Variants in RELN observed in about 807,000 individuals in gnomAD.
RELN encodes reelin.
In RELN, 108 loss-of-function variants were observed where a neutral mutation model predicts 427.6. That is an observed-to-expected ratio of 0.25 (90% CI 0.22 to 0.30). The LOEUF (loss-of-function observed/expected upper bound fraction) is 0.30, where lower values mean the gene tolerates loss of function less well. Among genes scored for constraint, RELN ranks in the 10% least tolerant of loss-of-function variants. The pLI is 1.00. For missense variants in RELN, 3,715 were observed against 4,302.8 expected (o/e 0.86, Z 3.82); for synonymous variants, 1,524 against 1,513.4 (o/e 1.01, Z -0.16).
chr7:103,600,953 T>A (rs1831652887), intron 24 of RELN, among the ~76,000 whole-genome samples: 1 of 152,236 alleles, frequency 6.6e-6, no homozygotes, highest in African/African-American at 2.4e-5. Context: ...TTCCTCTCAA[T>A]ATCCACTTTT....
chr7:103,691,746 G>T (rs1216091732), intron 10 of RELN, among the ~76,000 whole-genome samples: 1 of 152,148 alleles, frequency 6.6e-6, no homozygotes, highest in Non-Finnish European at 1.5e-5. Flanking sequence ...CTGGGAGGTG[G>T]AGGCTGCAGT....
At chr7:103,634,280 A>G (rs1465247530) in intron 19 of RELN, among the ~76,000 whole-genome samples, 2 of 152,136 alleles carry the variant, frequency 1.3e-5, no homozygotes, top group African/African-American at 4.8e-5. Context: ...GTGAAGTGGA[A>G]TGTTACTCCA....
chr7:103,809,396 C>T (rs183904098), intron 3 of RELN, among the ~76,000 whole-genome samples: 101 of 152,040 alleles, frequency 6.6e-4, no homozygotes, highest in Non-Finnish European at 3.1e-4. Context: ...TCCAAAGCAG[C>T]GGGAGAGAGA....
At chr7:103,781,673 C>T (rs1475031934) in intron 3 of RELN, among the ~76,000 whole-genome samples, 1 of 152,092 alleles carries the variant, frequency 6.6e-6, no homozygotes, top group Non-Finnish European at 1.5e-5. Flanking sequence ...CTCCCCAAAC[C>T]ACCCAGCCCC....
intron 8 of RELN, among the ~76,000 whole-genome samples, chr7:103,702,262 A>G (rs1019978091): frequency 1.3e-5 from 2 of 152,216 alleles, no homozygotes; most frequent in African/African-American, 4.8e-5. Context: ...TGTAGGACAA[A>G]CTTCAATACA....
At chr7:103,572,693 C>T (rs1454587498) in intron 30 of RELN, among the ~76,000 whole-genome samples, 3 of 151,796 alleles carry the variant, frequency 2.0e-5, no homozygotes, top group Non-Finnish European at 4.4e-5. Flanking sequence ...CCCGCCACCA[C>T]GCCTGGCTAA....
chr7:103,557,511 A>C (rs1830551831), intron 37 of RELN, among the ~76,000 whole-genome samples: 1 of 152,198 alleles, frequency 6.6e-6, no homozygotes, highest in South Asian at 2.1e-4. Flanking sequence ...TAAACAGAAA[A>C]ACTGTTTGAA....
At chr7:103,898,972 T>C (rs17157141) in intron 2 of RELN, among the ~76,000 whole-genome samples, 10,266 of 152,066 alleles carry the variant, frequency 0.068, 394 homozygotes, top group African/African-American at 0.12. Context: ...TTAGTCATGA[T>C]GGATTATTCT....
At chr7:103,735,814 C>G (rs1186575208) in intron 6 of RELN, among the ~76,000 whole-genome samples, 1 of 152,126 alleles carries the variant, frequency 6.6e-6, no homozygotes, top group African/African-American at 2.4e-5. Context: ...TGTATTGCCA[C>G]TGAAGGAGTC....
intron 2 of RELN, among the ~76,000 whole-genome samples, chr7:103,864,407 C>A (rs1356463336): frequency 6.6e-6 from 1 of 152,158 alleles, no homozygotes; most frequent in African/African-American, 2.4e-5. Context: ...AAGTTACTCA[C>A]CTTGTATAAC....
intron 41 of RELN, 45 bp from the exon 42 acceptor site, chr7:103,545,389 T>C (rs1209032947): frequency 7.6e-7 from 1 of 1,312,860 alleles, no homozygotes; most frequent in Non-Finnish European, 1.1e-6. Context: ...AACAGAACAA[T>C]ATACCTTCAA....
In RELN at chr7:103,522,196, A is replaced by G. The variant is rs1291454084; in HGVS notation, c.7494T>C (p.Cys2498=). ...AGTACAGGCCACCCCACTGTTCATC[A>G]CAGCTGGGTGCAGAGCAAGAGAGAG... ...HGRCIQGNCV[C]DEQWGGLYCD... Residue 2498 remains cysteine (C), a synonymous_variant, in exon 48 of 65, where the codon TGT becomes TGC. Coordinates refer to ENST00000428762, the MANE Select transcript of RELN (RefSeq NM_005045.4). 1 of 1,613,882 alleles carries G rather than the reference A, an allele frequency of 6.2e-7. No individual in the cohort carries two copies.
At position 103,723,423 on chromosome 7, in the gene RELN, T is replaced by G. The variant is rs137963373; in HGVS notation, c.754-232A>C. On this transcript the variant is annotated intron_variant, in intron 7 of 64. Coordinates refer to ENST00000428762, the MANE Select transcript of RELN (RefSeq NM_005045.4). ...AGTGAAATCCTGACTTGGAGACGGATAGCATATTTCTCAATGTCCTTTCAC... is the reference window on the plus strand; with the variant it reads ...AGTGAAATCCTGACTTGGAGACGGAGAGCATATTTCTCAATGTCCTTTCAC... 2.0e-5 allele frequency among the ~76,000 whole-genome samples: 3 copies of G among 152,308 alleles called. No individual in the cohort carries two copies. In the East Asian group the frequency reaches 5.8e-4, roughly 29 times the overall value.
At chr7:103,683,175 A>G (rs1833690913) in intron 10 of RELN, among the ~76,000 whole-genome samples, 1 of 152,184 alleles carries the variant, frequency 6.6e-6, no homozygotes, top group Non-Finnish European at 1.5e-5. Context: ...AAAATGAAAC[A>G]GAGATGAAAA....
intron 11 of RELN, among the ~76,000 whole-genome samples, chr7:103,676,849 T>C (rs1427944981): frequency 6.6e-6 from 1 of 151,430 alleles, no homozygotes; most frequent in Non-Finnish European, 1.5e-5. Flanking sequence ...TGAGAATACT[T>C]GGACACAGGG....
rs1026468918 is a variant in RELN, at chr7:103,591,355, T to C, written c.3913-1527A>G. Among the ~76,000 whole-genome samples the C allele has an allele frequency of 2.0e-5, 3 of 152,216 alleles. No individual in the cohort carries two copies. In the South Asian group the frequency reaches 6.2e-4, roughly 31 times the overall value. ...GACATGGACTAATAATATTGAGCCA[T>C]AGCTCAGGAGGTCAATCAGTTAATC... On this transcript the variant is annotated intron_variant, in intron 27 of 64. Coordinates refer to ENST00000428762, the MANE Select transcript of RELN (RefSeq NM_005045.4).
At chr7:103,665,112 G>A (rs1833231378) in intron 11 of RELN, among the ~76,000 whole-genome samples, 1 of 152,002 alleles carries the variant, frequency 6.6e-6, no homozygotes, top group African/African-American at 2.4e-5. Flanking sequence ...AAATTGATTT[G>A]AGGTAAGGAA....
rs1320808760 is a variant in RELN, at chr7:103,620,181, T to C, written c.2703-8378A>G. Among the ~76,000 whole-genome samples the C allele has an allele frequency of 6.6e-6, 1 of 152,172 alleles. No homozygotes were observed. The highest frequency in any genetic ancestry group is 1.5e-5 in the Non-Finnish European group (1 of 68,030). Reference sequence around the variant, plus strand: ...AGAACTGATGATTTTATAAGGCTTTTGCTTGACTCTCATTTTGTCTCATCT... The same window carrying C: ...AGAACTGATGATTTTATAAGGCTTTCGCTTGACTCTCATTTTGTCTCATCT... On this transcript the variant is annotated intron_variant, in intron 20 of 64. Transcript: ENST00000428762. This position sits in a 1 kb window ranked among gnomAD's most constrained non-coding sequence, Gnocchi z 4.1.
At chr7:103,854,055 A>G (rs981505513) in intron 2 of RELN, among the ~76,000 whole-genome samples, 7 of 152,198 alleles carry the variant, frequency 4.6e-5, no homozygotes, top group African/African-American at 1.7e-4. Flanking sequence ...TACACAGTGT[A>G]TATATGTATC....
Sources: allele counts gnomAD v4.1 joint callset (sites outside exome capture counted in the v4.1 genomes callset), GRCh38; gene constraint gnomAD v4.1.1; non-coding constraint Gnocchi (gnomAD v3.1); transcripts MANE v1.5; gene names NCBI Gene and HGNC (gene_info 2026-07-23, HGNC 2026-07-21).